The following VPS33A variants were observed in gnomAD, a reference collection of about 807,000 sequenced individuals.
VPS33A encodes vacuolar protein sorting-associated protein 33A.
VPS33A carries 32 observed loss-of-function variants against 71.8 expected under a neutral mutation model. The observed-to-expected ratio is 0.45, with a 90% confidence interval of 0.34 to 0.60. The LOEUF is 0.60. VPS33A is among the 20% of genes least tolerant of loss of function. The probability of loss-of-function intolerance (pLI) is 0.02; values close to 1 mark genes in which losing one functional copy is unlikely to be tolerated. For synonymous variants in VPS33A, 311 were observed against 292.7 expected, an observed-to-expected ratio of 1.06 and a Z score of -0.64; for missense variants, 625 against 748.5, an observed-to-expected ratio of 0.84 and a Z score of 1.92.
chr12:122,251,583 G>A (rs1048728000), intron 4 of VPS33A, among the ~76,000 whole-genome samples: 10 of 152,098 alleles, frequency 6.6e-5, no homozygotes, highest in Non-Finnish European at 8.8e-5. Context: ...ACAACTGAAG[G>A]CCACAATCTG....
At chr12:122,248,434 C>G (rs1331423749) in intron 6 of VPS33A, 1 of 152,138 alleles carries the variant, frequency 6.6e-6, no homozygotes, top group African/African-American at 2.4e-5. Context: ...TCGTCATGGC[C>G]TAATTCAGGA....
intron 1 of VPS33A, chr12:122,265,740 G>C: frequency 2.2e-6 from 1 of 453,748 alleles, no homozygotes; most frequent in Non-Finnish European, 4.4e-6. Flanking sequence ...GGGGATGAAG[G>C]AGAGGTGACA....
rs563932786 is a variant in VPS33A at position 122,258,118 on chromosome 12, G to A, written c.483+3143C>T. ...TGTAGAAAAATTATAAGCTGGGCGCGGTGGGTCACACCTGTAATCCCAGCA... is the reference window on the plus strand; with the variant it reads ...TGTAGAAAAATTATAAGCTGGGCGCAGTGGGTCACACCTGTAATCCCAGCA... On this transcript the variant is annotated intron_variant, in intron 4 of 12. Coordinates refer to ENST00000267199, the MANE Select transcript of VPS33A (RefSeq NM_022916.6). Among the ~76,000 whole-genome samples, 97 of 152,162 alleles carry A rather than the reference G, an allele frequency of 6.4e-4. 1 individual carries two copies. The South Asian group carries it at 0.013, about 21-fold the overall frequency.
intron 7 of VPS33A, among the ~76,000 whole-genome samples, chr12:122,243,433 C>A (rs897193420): frequency 3.3e-5 from 5 of 151,914 alleles, no homozygotes; most frequent in Admixed American, 2.6e-4. Context: ...GAGACAGTGT[C>A]TTGCTGTGTT....
At chr12:122,241,857 T>C (rs1954720079) in intron 8 of VPS33A, among the ~76,000 whole-genome samples, 1 of 151,922 alleles carries the variant, frequency 6.6e-6, no homozygotes, top group Non-Finnish European at 1.5e-5. Context: ...CCTCCCGAAG[T>C]GCTGGGGTTA....
intron 4 of VPS33A, among the ~76,000 whole-genome samples, chr12:122,255,476 T>G (rs564349421): frequency 6.6e-6 from 1 of 152,150 alleles, no homozygotes; most frequent in African/African-American, 2.4e-5. Flanking sequence ...GAGGCCGAGA[T>G]GAGCAGATCA....
intron 4 of VPS33A, among the ~76,000 whole-genome samples, chr12:122,256,667 TG>T (rs1954923497): frequency 6.6e-6 from 1 of 150,526 alleles, no homozygotes; most frequent in Admixed American, 6.6e-5. Flanking sequence ...CAAAGAAACA[TG>T]GGTAAGTGTG....
In VPS33A at chr12:122,261,601, G is replaced by T. The variant is rs143084157; in HGVS notation, c.297-154C>A. The stretch of plus-strand genomic sequence containing the variant: ...ACTGACTCTCAGGCCGGGTGCAGTG[G>T]CTCACACCTGTAATCTCAGCACTTT... On this transcript the variant is annotated intron_variant, in intron 3 of 12. Transcript: ENST00000267199. Among the ~76,000 whole-genome samples, 454 of 152,286 alleles carry T rather than the reference G, an allele frequency of 3.0e-3. 1 individual carries two copies. The highest frequency in any genetic ancestry group is 0.01 in the African/African-American group (431 of 41,548).
In VPS33A at chr12:122,249,899, G is replaced by C. The variant is rs2136137630; in HGVS notation, c.747C>G (p.Leu249=). 6.2e-7 allele frequency: 1 copy of C among 1,613,652 alleles called. No homozygotes were observed. The highest frequency in any genetic ancestry group is 8.5e-7 in the Non-Finnish European group (1 of 1,179,920). ...PLATQLTYEG[L]IDEIYGIQNS... ...TCTGAATGCCATAAATTTCATCAATGAGTCCTTCATATGTCAGCTGAGTGG... is the reference window on the plus strand; with the variant it reads ...TCTGAATGCCATAAATTTCATCAATCAGTCCTTCATATGTCAGCTGAGTGG... The change falls in exon 6 of 13, where the codon CTC becomes CTG. Residue 249 remains leucine (L), a synonymous_variant. Coordinates refer to ENST00000267199, the MANE Select transcript of VPS33A (RefSeq NM_022916.6).
rs1281613604 is a variant in VPS33A, at chr12:122,242,497, A to G, written c.981T>C (p.Asn327=). 3.6e-5 allele frequency: 58 copies of G among 1,610,980 alleles called. No homozygotes were observed. The highest frequency in any genetic ancestry group is 4.7e-5 in the Non-Finnish European group (55 of 1,177,516). Residue 327 remains asparagine (N), a synonymous_variant, in exon 8 of 13, where the codon AAT becomes AAC. Coordinates refer to ENST00000267199, the MANE Select transcript of VPS33A (RefSeq NM_022916.6). ...IISAAFEERH[N]AKTVGEIKQF... ...GCTTGATCTCCCCCACGGTCTTAGC[A>G]TTGTGTCTTTCCTGAAATAAACAAG...
chr12:122,254,561 C>A (rs1336134985), intron 4 of VPS33A, among the ~76,000 whole-genome samples: 1 of 152,030 alleles, frequency 6.6e-6, no homozygotes, highest in Admixed American at 6.6e-5. Flanking sequence ...CACCACCACA[C>A]CCAGCTAATT....
chr12:122,239,850 T>G, intron 9 of VPS33A, 28 bp downstream of exon 9: 1 of 1,568,330 alleles, frequency 6.4e-7, no homozygotes, highest in Non-Finnish European at 8.7e-7. Context: ...TTCAATTACT[T>G]GTTAAAGAGG....
chr12:122,232,554 A>G (rs1954577064), intron 12 of VPS33A, 127 bp from the exon 13 acceptor site: 16 of 1,125,278 alleles, frequency 1.4e-5, no homozygotes, highest in Non-Finnish European at 1.7e-5. Context: ...TCTGAAACCT[A>G]AGAATACTGA....
rs933650015 is a variant in VPS33A, at chr12:122,238,984, CACAT to C, written c.1165-264_1165-261del. Among the ~76,000 whole-genome samples, 30 of 138,372 alleles carry C rather than the reference CACAT, an allele frequency of 2.2e-4. No individual in the cohort carries two copies. The East Asian group carries it at 4.2e-3, about 20-fold the overall frequency. 90.8% of individuals were successfully genotyped at this position (138,372 alleles called of 152,430 possible). On this transcript the variant is annotated intron_variant, in intron 9 of 12. Transcript: ENST00000267199. ...CACACACACACACACACCCCACACACACATACATACATACACACACACACACACA... is the reference window on the plus strand; with the variant it reads ...CACACACACACACACACCCCACACACACATACATACACACACACACACACA...
At chr12:122,241,134 C>CAAAAAAAAAAAA (rs545099449) in intron 8 of VPS33A, 1 of 52,186 alleles carries the variant, frequency 1.9e-5, no homozygotes, top group Non-Finnish European at 4.0e-5. Flanking sequence ...AACTCCGTCT[C>CAAAAAAAAAAAA]AAAAAAAAAA....
At chr12:122,245,793 A>G (rs7957335) in intron 6 of VPS33A, among the ~76,000 whole-genome samples, 17,175 of 152,162 alleles carry the variant, frequency 0.11, 2,865 homozygotes, top group African/African-American at 0.37. Flanking sequence ...GGCCACAGCT[A>G]TTCTTTTTGT....
chr12:122,244,034 A>C (rs1286218965), intron 7 of VPS33A, among the ~76,000 whole-genome samples: 3 of 152,228 alleles, frequency 2.0e-5, no homozygotes, highest in Non-Finnish European at 4.4e-5. Flanking sequence ...CATGTTTCAA[A>C]AAGGAGCCTG....
In VPS33A at chr12:122,264,118, C is replaced by G. The variant is rs1424429379; in HGVS notation, c.168+16G>C. 6.6e-7 allele frequency: 1 copy of G among 1,510,818 alleles called. No homozygotes were observed. Among genetic ancestry groups the G allele is most frequent in the Non-Finnish European group, 9.0e-7 (1 of 1,116,856 alleles). 93.6% of individuals were successfully genotyped at this position (1,510,818 alleles called of 1,614,324 possible). ...GAATTATTAATCCCCTAACAAAACC[C>G]AAATAGCTCATTTACCTTCAATAGT... is the stretch of plus-strand genomic sequence containing the variant. On this transcript the variant is annotated intron_variant, in intron 2 of 12. Transcript: ENST00000267199.
At chr12:122,250,242 T>C (rs373714902) in intron 5 of VPS33A, 197 bp from the exon 6 acceptor site, 2 of 556,914 alleles carry the variant, frequency 3.6e-6, no homozygotes, top group East Asian at 3.0e-5. Flanking sequence ...GCAGCTGCCA[T>C]TTGCCAATGA....
Sources: gnomAD v4.1 joint callset for allele counts (sites outside exome capture counted in the v4.1 genomes callset) on GRCh38, gnomAD v4.1.1 for gene constraint, MANE v1.5 for transcripts, NCBI Gene and HGNC (gene_info 2026-07-23, HGNC 2026-07-21) for gene names.